ITGA8: variants seen among roughly 807,000 people sequenced by gnomAD.
ITGA8 encodes the protein integrin alpha-8.
ITGA8 carries 91 observed loss-of-function variants against 142.3 expected under a neutral mutation model. That is an observed-to-expected ratio of 0.64 (90% confidence interval 0.54 to 0.76). The LOEUF is 0.76. Among genes scored for constraint, ITGA8 ranks in the 30% least tolerant of loss-of-function variants. The pLI, the probability that ITGA8 is intolerant of heterozygous loss-of-function variation, is 0.00. For missense variants in ITGA8, 1,406 were observed against 1,327.7 expected (o/e 1.06, Z -0.92); for synonymous variants, 505 against 485.2 (o/e 1.04, Z -0.54).
intron 21 of ITGA8, among the ~76,000 whole-genome samples, chr10:15,593,974 T>C (rs555544876): frequency 1.3e-5 from 2 of 151,916 alleles, no homozygotes; most frequent in South Asian, 4.2e-4. Flanking sequence ...CCTGAGTAGC[T>C]GGGATTACGG....
At chr10:15,546,841 G>T (rs1339855212) in intron 27 of ITGA8, among the ~76,000 whole-genome samples, 1 of 150,968 alleles carries the variant, frequency 6.6e-6, no homozygotes, top group African/African-American at 2.5e-5. Context: ...GGAAGGAAAG[G>T]GAAGGGAAAT....
chr10:15,557,637 G>A (rs546892342), intron 26 of ITGA8, among the ~76,000 whole-genome samples: 2 of 152,276 alleles, frequency 1.3e-5, no homozygotes, highest in South Asian at 4.1e-4. Flanking sequence ...ACAGGTGTGA[G>A]CCACCATACC....
At chr10:15,716,210 CCTTT>C (rs897202804) in intron 2 of ITGA8, among the ~76,000 whole-genome samples, 1 of 152,110 alleles carries the variant, frequency 6.6e-6, no homozygotes, top group Non-Finnish European at 1.5e-5. Context: ...TTTTTCTTCC[CCTTT>C]CTTTCTCTCA....
chr10:15,629,011 C>T (rs1028794817), intron 13 of ITGA8, among the ~76,000 whole-genome samples: 1 of 151,902 alleles, frequency 6.6e-6, no homozygotes, highest in Non-Finnish European at 1.5e-5. Flanking sequence ...AAGTGCGGCC[C>T]AGGCTGCAGA....
At chr10:15,607,088 C>T (rs1395257038) in intron 17 of ITGA8, among the ~76,000 whole-genome samples, 1 of 152,076 alleles carries the variant, frequency 6.6e-6, no homozygotes, top group East Asian at 1.9e-4. Context: ...TAGGGTGGTC[C>T]TTGCTAACTA....
chr10:15,519,365 G>C lies in ITGA8; in HGVS notation c.3030C>G (p.Ile1010Met), dbSNP rs754666550. Residue 1010 changes from isoleucine (I) to methionine (M), a missense_variant, in exon 29 of 30, where the codon ATC (isoleucine) becomes ATG (methionine). Coordinates refer to ENST00000378076, the MANE Select transcript of ITGA8 (RefSeq NM_003638.3). ...TTGCTAGTATTATTACCCATAATGG[G>C]ATTGAGAAGGAAACATTCGGAGTTG... The part of the protein sequence containing the change: ...IWATPNVSFS[I>M]PLWVIILAIL... The C allele has an allele frequency of 1.2e-5, 20 of 1,613,474 alleles. No homozygotes were observed. In the South Asian group the frequency reaches 2.0e-4, roughly 16 times the overall value.
chr10:15,613,911 A>C (rs939638293), intron 14 of ITGA8, 144 bp from the exon 15 acceptor site: 7 of 612,636 alleles, frequency 1.1e-5, no homozygotes, highest in African/African-American at 1.1e-4. Context: ...TGTGCCAAGA[A>C]TTTTGCTCAC....
At chr10:15,615,107 G>A (rs1285768188) in intron 14 of ITGA8, among the ~76,000 whole-genome samples, 7 of 152,156 alleles carry the variant, frequency 4.6e-5, no homozygotes, top group South Asian at 4.1e-4. Context: ...TGTTGTGTCC[G>A]CTAATTGGCT....
rs1276045353 is a variant in ITGA8, at chr10:15,634,341, T to C, written c.1399+9689A>G. Reference sequence around the variant, plus strand: ...ATATTTAGTGGCTGCTACTAGATGCTATTCACACCATTAACTGATTTATAC... The same window carrying C: ...ATATTTAGTGGCTGCTACTAGATGCCATTCACACCATTAACTGATTTATAC... On this transcript the variant is annotated intron_variant, in intron 13 of 29. Coordinates refer to ENST00000378076, the MANE Select transcript of ITGA8 (RefSeq NM_003638.3). Among the ~76,000 whole-genome samples the C allele has an allele frequency of 2.0e-5, 3 of 152,242 alleles. No individual in the cohort carries two copies. The East Asian group carries it at 5.8e-4, about 29-fold the overall frequency.
chr10:15,658,897 G>A, intron 10 of ITGA8, 102 bp downstream of exon 10: 1 of 808,226 alleles, frequency 1.2e-6, no homozygotes, highest in Non-Finnish European at 2.0e-6. Flanking sequence ...CGTAGTAGCT[G>A]CTCATTAAAT....
At chr10:15,610,129 C>T (rs2131613133) in intron 15 of ITGA8, among the ~76,000 whole-genome samples, 2 of 152,116 alleles carry the variant, frequency 1.3e-5, no homozygotes, top group South Asian at 4.1e-4. Flanking sequence ...CTACAATGTA[C>T]TGAATTCTCA....
chr10:15,587,524 T>G (rs919349600), intron 22 of ITGA8, among the ~76,000 whole-genome samples: 4 of 152,208 alleles, frequency 2.6e-5, no homozygotes, highest in African/African-American at 9.7e-5. Flanking sequence ...CAGTTAGTAT[T>G]AAAATAAGCA....
Position 15,604,109 on chromosome 10 carries a change from A to G in ITGA8, c.2118+99T>C, listed in dbSNP as rs1035751246. The G allele has an allele frequency of 1.0e-5, 11 of 1,105,332 alleles. No individual in the cohort carries two copies. The South Asian group carries it at 1.2e-4, about 12-fold the overall frequency. The allele number at this position is 1,105,332 out of a possible 1,614,324, so 68.5% of individuals were successfully genotyped here. A position where few individuals can be genotyped will look rare whatever the true frequency, so the allele number is the denominator to read the frequency against. On this transcript the variant is annotated intron_variant, in intron 20 of 29. Coordinates refer to ENST00000378076, the MANE Select transcript of ITGA8 (RefSeq NM_003638.3). ...AGAAGGTATCATTTTGCTGTCTTTCATTAAGGAAGAAACTCTCAGCTAAGA... is the reference window on the plus strand; with the variant it reads ...AGAAGGTATCATTTTGCTGTCTTTCGTTAAGGAAGAAACTCTCAGCTAAGA...
chr10:15,701,208 A>G (rs1835157704), intron 2 of ITGA8, among the ~76,000 whole-genome samples: 1 of 152,208 alleles, frequency 6.6e-6, no homozygotes, highest in Non-Finnish European at 1.5e-5. Context: ...GTGTGTATGT[A>G]TTGACACTAA....
At chr10:15,542,300 G>T (rs1833585006) in intron 27 of ITGA8, among the ~76,000 whole-genome samples, 1 of 152,160 alleles carries the variant, frequency 6.6e-6, no homozygotes. Context: ...CTCTTAATCT[G>T]CACAGACCAA....
rs971699535 is a variant in ITGA8, at chr10:15,516,196, A to G, written c.*962T>C. 5 of 152,226 alleles carry G rather than the reference A, an allele frequency of 3.3e-5. No individual in the cohort carries two copies. The highest frequency in any genetic ancestry group is 9.6e-5 in the African/African-American group (4 of 41,466). 9.4% of individuals were successfully genotyped at this position (152,226 alleles called of 1,614,324 possible). A position where few individuals can be genotyped will look rare whatever the true frequency, so the allele number is the denominator to read the frequency against. ...AATGAACTCTAGACATTTTACCATG[A>G]CTTTTAAACACTCCAAAGGTAGAGA... On this transcript the variant is annotated 3_prime_UTR_variant, in exon 30 of 30. Transcript: ENST00000378076.
chr10:15,671,425 C>A (rs1834515234), intron 8 of ITGA8, among the ~76,000 whole-genome samples, 178 bp downstream of exon 8: 1 of 152,106 alleles, frequency 6.6e-6, no homozygotes, highest in Non-Finnish European at 1.5e-5. Flanking sequence ...TTACAAAATT[C>A]TTTCAGACTT....
At position 15,657,070 on chromosome 10, in the gene ITGA8, A is replaced by T. The variant is rs553899181; in HGVS notation, c.949-1664T>A. The stretch of plus-strand genomic sequence containing the variant: ...ATAGATAGTGAAATTCTTTCTCTTG[A>T]TGTGGTGGTGTGTGGCCTTTACTCA... On this transcript the variant is annotated intron_variant, in intron 10 of 29. Coordinates refer to ENST00000378076, the MANE Select transcript of ITGA8 (RefSeq NM_003638.3). Among the ~76,000 whole-genome samples the T allele has an allele frequency of 1.6e-3, 244 of 152,258 alleles. 1 individual carries two copies. Among genetic ancestry groups the T allele is most frequent in the African/African-American group, 5.0e-3 (206 of 41,538 alleles).
At chr10:15,530,886 A>G (rs1833276533) in intron 28 of ITGA8, among the ~76,000 whole-genome samples, 164 bp downstream of exon 28, 1 of 152,234 alleles carries the variant, frequency 6.6e-6, no homozygotes, top group African/African-American at 2.4e-5. Context: ...ACCAGATCAA[A>G]AGGCACTAGG....
Sources: allele counts gnomAD v4.1 joint callset (sites outside exome capture counted in the v4.1 genomes callset), GRCh38; gene constraint gnomAD v4.1.1; transcripts MANE v1.5; gene names NCBI Gene and HGNC (gene_info 2026-07-23, HGNC 2026-07-21).